The following EDNRA variants were observed in gnomAD, a reference collection of about 807,000 sequenced individuals.
The protein encoded by EDNRA is endothelin-1 receptor.
In EDNRA, 11 loss-of-function variants were observed where a neutral mutation model predicts 41.4. That is an observed-to-expected ratio of 0.27 (90% CI 0.17 to 0.44). The LOEUF is 0.44. Ranked by LOEUF, EDNRA falls within the 20% of genes least tolerant of loss-of-function variation. The probability of loss-of-function intolerance (pLI) is 1.00; values close to 1 mark genes in which losing one functional copy is unlikely to be tolerated. For missense variants in EDNRA, 294 were observed against 531.0 expected, an observed-to-expected ratio of 0.55 and a Z score of 4.39; for synonymous variants, 172 against 183.0, an observed-to-expected ratio of 0.94 and a Z score of 0.49.
chr4:147,493,089 C>A (rs572427255), intron 2 of EDNRA: 1 of 152,192 alleles, frequency 6.6e-6, no homozygotes, highest in South Asian at 2.1e-4. Flanking sequence ...CAGTCCTGTT[C>A]TTGTTAGTAA....
chr4:147,496,614 T>C (rs1226728025), intron 2 of EDNRA, among the ~76,000 whole-genome samples: 1 of 152,200 alleles, frequency 6.6e-6, no homozygotes, highest in Non-Finnish European at 1.5e-5. Flanking sequence ...GCCACTCACT[T>C]TCCTGACTTC....
At chr4:147,484,586 C>A (rs969273778) in intron 1 of EDNRA, among the ~76,000 whole-genome samples, 2 of 152,156 alleles carry the variant, frequency 1.3e-5, no homozygotes, top group African/African-American at 2.4e-5. Flanking sequence ...TACAGGGCAT[C>A]ATGCACATAT....
intron 5 of EDNRA, among the ~76,000 whole-genome samples, chr4:147,538,292 G>A (rs984249570): frequency 3.9e-5 from 6 of 152,124 alleles, no homozygotes; most frequent in Non-Finnish European, 5.9e-5. Flanking sequence ...CATCAAAAGA[G>A]TGTCCCTATA....
At chr4:147,510,161 G>A (rs1002586554) in intron 2 of EDNRA, among the ~76,000 whole-genome samples, 2 of 152,106 alleles carry the variant, frequency 1.3e-5, no homozygotes, top group Non-Finnish European at 2.9e-5. Flanking sequence ...TGCTGCATGT[G>A]GAACAATGTA....
At chr4:147,524,132 C>A (rs1245043888) in intron 3 of EDNRA, among the ~76,000 whole-genome samples, 1 of 151,720 alleles carries the variant, frequency 6.6e-6, no homozygotes, top group African/African-American at 2.4e-5. Context: ...TATTTTAAAA[C>A]CTTTGGATTA....
At chr4:147,526,022 T>C (rs1730529022) in intron 3 of EDNRA, among the ~76,000 whole-genome samples, 1 of 152,224 alleles carries the variant, frequency 6.6e-6, no homozygotes, top group African/African-American at 2.4e-5. Flanking sequence ...CCTGGTGTTA[T>C]GGTTTTCTAT....
At chr4:147,505,746 TC>T (rs1201625401) in intron 2 of EDNRA, among the ~76,000 whole-genome samples, 1 of 147,776 alleles carries the variant, frequency 6.8e-6, no homozygotes, top group East Asian at 2.0e-4. Flanking sequence ...CCTCCTGGGT[TC>T]ACGTCATTCT....
intron 3 of EDNRA, among the ~76,000 whole-genome samples, chr4:147,530,945 C>T (rs1227127873): frequency 6.6e-6 from 1 of 152,090 alleles, no homozygotes; most frequent in Non-Finnish European, 1.5e-5. Context: ...TTTTCCATTA[C>T]GGCAGCAACA....
chr4:147,502,021 G>A (rs181738881), intron 2 of EDNRA, among the ~76,000 whole-genome samples: 1 of 152,084 alleles, frequency 6.6e-6, no homozygotes, highest in African/African-American at 2.4e-5. Flanking sequence ...TTTAGATTAG[G>A]CATTTCTCTT....
At position 147,535,966 on chromosome 4, in the gene EDNRA, T is replaced by C. The variant is rs1730905815; in HGVS notation, c.837T>C (p.Thr279=). 6.2e-7 allele frequency: 1 copy of C among 1,613,882 alleles called. No individual in the cohort carries two copies. Among genetic ancestry groups the C allele is most frequent in the South Asian group, 1.1e-5 (1 of 91,074 alleles). The part of the protein sequence containing the change: ...VCTAIFYTLM[T]CEMLNRRNGS... ...CTGCGATCTTCTACACCCTCATGACTTGTGAGATGTTGAACAGAAGGAATG... is the reference window on the plus strand; with the variant it reads ...CTGCGATCTTCTACACCCTCATGACCTGTGAGATGTTGAACAGAAGGAATG... Residue 279 remains threonine (T), a synonymous_variant, in exon 5 of 8, where the codon ACT becomes ACC. Transcript: ENST00000651419.
chr4:147,529,826 C>T (rs902490622), intron 3 of EDNRA, among the ~76,000 whole-genome samples: 2 of 152,120 alleles, frequency 1.3e-5, no homozygotes, highest in Non-Finnish European at 2.9e-5. Flanking sequence ...TTCATGGTTT[C>T]CATACATTTC....
intron 2 of EDNRA, among the ~76,000 whole-genome samples, chr4:147,496,342 C>T (rs1729298875): frequency 6.6e-6 from 1 of 152,114 alleles, no homozygotes; most frequent in South Asian, 2.1e-4. Context: ...GGGTATTTCT[C>T]TGCATATTTT....
intron 2 of EDNRA, among the ~76,000 whole-genome samples, chr4:147,507,223 A>C (rs937216664): frequency 1.3e-5 from 2 of 152,136 alleles, no homozygotes; most frequent in Non-Finnish European, 2.9e-5. Context: ...GGGGAAAAAA[A>C]AAAACCCTGT....
At chr4:147,491,103 A>G (rs1468078770) in intron 2 of EDNRA, 1 of 152,206 alleles carries the variant, frequency 6.6e-6, no homozygotes, top group African/African-American at 2.4e-5. Context: ...GAAGCCGGTA[A>G]CTCTGTTGAT....
chr4:147,531,633 T>C (rs1375611760), intron 3 of EDNRA: 1 of 152,196 alleles, frequency 6.6e-6, no homozygotes, highest in Non-Finnish European at 1.5e-5. Context: ...TAAACTCTCC[T>C]AAGATTTCTC....
At chr4:147,532,991 G>GTGT (rs10692988) in intron 4 of EDNRA, among the ~76,000 whole-genome samples, 51,383 of 151,590 alleles carry the variant, frequency 0.34, 10,318 homozygotes, top group African/African-American at 0.57. Flanking sequence ...CTAGATGTGT[G>GTGT]TGTGTGTGTG....
Position 147,542,468 on chromosome 4 carries a change from C to T in EDNRA, c.1144-10C>T. The stretch of plus-strand genomic sequence containing the variant: ...GGCTCGCCTTACTTCGAGTCTGTTC[C>T]TTCCCCCAGTCATGCCTCTGCTGCT... On this transcript the variant is annotated splice_polypyrimidine_tract_variant and intron_variant, in intron 7 of 7. Transcript: ENST00000651419. 10 of 1,614,066 alleles carry T rather than the reference C, an allele frequency of 6.2e-6. No homozygotes were observed. The highest frequency in any genetic ancestry group is 8.5e-6 in the Non-Finnish European group (10 of 1,179,968).
intron 3 of EDNRA, among the ~76,000 whole-genome samples, chr4:147,523,465 T>TGTTTGTTTGTTTG (rs1560910593): frequency 1.4e-5 from 2 of 139,378 alleles, no homozygotes; most frequent in African/African-American, 6.3e-5. Context: ...GTGTTTGTTT[T>TGTTTGTTTGTTTG]TTTTTGTTGT....
intron 5 of EDNRA, among the ~76,000 whole-genome samples, chr4:147,539,407 A>G (rs1326700356): frequency 1.3e-5 from 2 of 151,706 alleles, no homozygotes; most frequent in African/African-American, 4.8e-5. Context: ...GTTACCTGTT[A>G]TTAAGAGTCA....
Sources: allele counts gnomAD v4.1 joint callset (sites outside exome capture counted in the v4.1 genomes callset), GRCh38; gene constraint gnomAD v4.1.1; transcripts MANE v1.5; gene names NCBI Gene and HGNC (gene_info 2026-07-23, HGNC 2026-07-21).